The following HDAC9 variants were observed in gnomAD, a reference collection of about 807,000 sequenced individuals.
HDAC9 encodes MEF-2 interacting transcription repressor (MITR) protein.
HDAC9 carries 41 observed loss-of-function variants against 139.4 expected under a neutral mutation model. That is an observed-to-expected ratio of 0.29 (90% CI 0.23 to 0.38). The LOEUF is 0.38. Among genes scored for constraint, HDAC9 ranks in the 10% least tolerant of loss-of-function variants. HDAC9 has a pLI of 1.00. For missense variants in HDAC9, 1,147 were observed against 1,297.0 expected, an observed-to-expected ratio of 0.88 and a Z score of 1.78; for synonymous variants, 517 against 476.2, an observed-to-expected ratio of 1.09 and a Z score of -1.12.
intron 22 of HDAC9, among the ~76,000 whole-genome samples, chr7:18,924,116 CCT>C (rs1260436650): frequency 6.7e-6 from 1 of 150,080 alleles, no homozygotes; most frequent in Non-Finnish European, 1.5e-5. Context: ...TGGAGAATTG[CCT>C]GTTTTAAAAA....
At chr7:18,473,514 G>A (rs1448745103) in intron 1 of HDAC9, among the ~76,000 whole-genome samples, 1 of 152,220 alleles carries the variant, frequency 6.6e-6, no homozygotes, top group Admixed American at 6.5e-5. Context: ...GCACAGACAA[G>A]GGACTGCATT....
chr7:18,781,307 A>G (rs1454292000), intron 16 of HDAC9, among the ~76,000 whole-genome samples: 1 of 152,056 alleles, frequency 6.6e-6, no homozygotes, highest in East Asian at 1.9e-4. Context: ...ATTAATGTCC[A>G]GGGTTGGCTT....
At chr7:18,349,522 GC>G (rs1222047916) in intron 1 of HDAC9, among the ~76,000 whole-genome samples, 1 of 152,004 alleles carries the variant, frequency 6.6e-6, no homozygotes, top group African/African-American at 2.4e-5. Context: ...TATCCCCACT[GC>G]CTAGCACATA....
At chr7:18,471,562 T>G (rs6974726) in intron 1 of HDAC9, among the ~76,000 whole-genome samples, 2,118 of 152,274 alleles carry the variant, frequency 0.014, 51 homozygotes, top group African/African-American at 0.047. Flanking sequence ...AAAAAAGGTA[T>G]CTATTAGGAA....
intron 1 of HDAC9, chr7:18,162,156 TTC>T: frequency 1.6e-6 from 1 of 618,598 alleles, no homozygotes; most frequent in South Asian, 2.0e-5. Context: ...TCAAGGCCAG[TTC>T]TCTGTGTTTC....
chr7:18,162,759 C>G (rs978879156), intron 2 of HDAC9: 1 of 175,034 alleles, frequency 5.7e-6, no homozygotes, highest in African/African-American at 2.4e-5. Context: ...CCACCTCCAT[C>G]TCTTTGACAC....
chr7:18,479,682 AT>A (rs1215495134), intron 1 of HDAC9, among the ~76,000 whole-genome samples: 1 of 151,982 alleles, frequency 6.6e-6, no homozygotes, highest in African/African-American at 2.4e-5. Context: ...CTAAATATTG[AT>A]TTTTTTCTAT....
intron 1 of HDAC9, among the ~76,000 whole-genome samples, chr7:18,149,701 C>A (rs1786621838): frequency 6.6e-6 from 1 of 151,994 alleles, no homozygotes; most frequent in Non-Finnish European, 1.5e-5. Flanking sequence ...TAGGTGCCCA[C>A]CACCACGCCC....
intron 12 of HDAC9, among the ~76,000 whole-genome samples, chr7:18,681,910 G>A (rs114810517): frequency 1.3e-5 from 2 of 151,960 alleles, no homozygotes; most frequent in African/African-American, 4.8e-5. Context: ...TTTGTCTAAC[G>A]CTAATAGAAC....
chr7:18,702,296 T>C (rs545225664), intron 12 of HDAC9, among the ~76,000 whole-genome samples: 283 of 152,276 alleles, frequency 1.9e-3, no homozygotes, highest in South Asian at 3.9e-3. Flanking sequence ...ATTATCATAC[T>C]TCAAGGAAAA....
intron 16 of HDAC9, among the ~76,000 whole-genome samples, chr7:18,784,585 A>C (rs935655371): frequency 4.6e-5 from 7 of 151,938 alleles, no homozygotes; most frequent in Non-Finnish European, 1.0e-4. Context: ...TCTGGATAGG[A>C]GAGCACTGAG....
At chr7:18,302,400 A>G (rs1255033992) in intron 1 of HDAC9, among the ~76,000 whole-genome samples, 1 of 152,186 alleles carries the variant, frequency 6.6e-6, no homozygotes, top group Non-Finnish European at 1.5e-5. Flanking sequence ...GTTATTGTGT[A>G]TGGTGTGGCT....
chr7:18,221,978 G>A (rs1792738747), intron 2 of HDAC9, among the ~76,000 whole-genome samples: 1 of 152,140 alleles, frequency 6.6e-6, no homozygotes, highest in African/African-American at 2.4e-5. Flanking sequence ...AAAAAAGAAT[G>A]TCTTGTTTCC....
chr7:18,909,830 C>T (rs1052451308), intron 22 of HDAC9, among the ~76,000 whole-genome samples: 14 of 151,906 alleles, frequency 9.2e-5, no homozygotes, highest in Non-Finnish European at 1.9e-4. Context: ...TGTTTTTATG[C>T]CACTGCCAAG....
intron 1 of HDAC9, among the ~76,000 whole-genome samples, chr7:18,392,264 G>A (rs1046205924): frequency 1.8e-4 from 21 of 114,406 alleles, no homozygotes; most frequent in African/African-American, 6.9e-4. Context: ...TTCTATCTCT[G>A]TCTCTGTCAC....
chr7:18,304,514 G>A (rs951709878), intron 1 of HDAC9, among the ~76,000 whole-genome samples: 1 of 152,132 alleles, frequency 6.6e-6, no homozygotes, highest in African/African-American at 2.4e-5. Flanking sequence ...TGTGGGTTGT[G>A]TTTTGGGGAC....
rs974035584 is a variant in HDAC9, at chr7:18,725,479, C to T, written c.1732-2101C>T. 6.7e-5 allele frequency among the ~76,000 whole-genome samples: 10 copies of T among 149,246 alleles called. 1 individual carries two copies. The East Asian group carries it at 2.0e-3, about 30-fold the overall frequency. On this transcript the variant is annotated intron_variant, in intron 12 of 25. Coordinates refer to ENST00000686413, the MANE Select transcript of HDAC9 (RefSeq NM_178425.4). ...AGATTCTTCAAATTTGGGTTGACTTCGGAGTCTTTTTGTGTTAATGTCTTG... is the reference window on the plus strand; with the variant it reads ...AGATTCTTCAAATTTGGGTTGACTTTGGAGTCTTTTTGTGTTAATGTCTTG...
chr7:18,853,140 G>T (rs1385555868), intron 21 of HDAC9, among the ~76,000 whole-genome samples: 6 of 152,068 alleles, frequency 3.9e-5, no homozygotes, highest in Non-Finnish European at 1.5e-5. Context: ...GCTTTAATGT[G>T]GTTCACGTGT....
At chr7:18,809,044 G>A (rs1021154427) in intron 17 of HDAC9, among the ~76,000 whole-genome samples, 3 of 151,950 alleles carry the variant, frequency 2.0e-5, no homozygotes, top group African/African-American at 7.2e-5. Context: ...CCACCTAAAT[G>A]TGGTTAGCTA....
Sources: gnomAD v4.1 joint callset for allele counts (sites outside exome capture counted in the v4.1 genomes callset) on GRCh38, gnomAD v4.1.1 for gene constraint, MANE v1.5 for transcripts, NCBI Gene and HGNC (gene_info 2026-07-23, HGNC 2026-07-21) for gene names.